ATRNL1: variants seen among roughly 807,000 people sequenced by gnomAD.
The protein encoded by ATRNL1 is attractin like 1, also known as attractin-like protein 1.
In ATRNL1, 95 loss-of-function variants were observed where a neutral mutation model predicts 182.7. That is an observed-to-expected ratio of 0.52 (90% CI 0.44 to 0.62). ATRNL1 has a LOEUF of 0.62. ATRNL1 is among the 20% of genes least tolerant of loss of function. The pLI is 0.00. For missense variants in ATRNL1, 1,471 were observed against 1,679.5 expected (o/e 0.88, Z 2.17); for synonymous variants, 576 against 568.3 (o/e 1.01, Z -0.19).
chr10:115,780,760 A>G (rs1194474674), intron 27 of ATRNL1, among the ~76,000 whole-genome samples: 1 of 152,164 alleles, frequency 6.6e-6, no homozygotes, highest in Admixed American at 6.5e-5. Context: ...GGCAAGATTC[A>G]TCACCTGCTG....
chr10:115,366,494 A>C (rs1554945970), intron 19 of ATRNL1, among the ~76,000 whole-genome samples: 1 of 151,998 alleles, frequency 6.6e-6, no homozygotes, highest in Admixed American at 6.6e-5. Flanking sequence ...TGTGTCTTTT[A>C]ATTGGAGCGT....
intron 28 of ATRNL1, among the ~76,000 whole-genome samples, chr10:115,926,953 G>A (rs1472326925): frequency 5.3e-5 from 8 of 152,004 alleles, no homozygotes; most frequent in African/African-American, 1.9e-4. Context: ...GTCAGACAGA[G>A]ACACAACAAA....
At chr10:115,728,664 TG>T (rs1947692185) in intron 27 of ATRNL1, among the ~76,000 whole-genome samples, 1 of 152,178 alleles carries the variant, frequency 6.6e-6, no homozygotes, top group Admixed American at 6.5e-5. Context: ...AACTCATGGA[TG>T]CTACTCAAAG....
At chr10:115,691,748 A>AATCT (rs1421157957) in intron 26 of ATRNL1, among the ~76,000 whole-genome samples, 2 of 151,954 alleles carry the variant, frequency 1.3e-5, no homozygotes, top group African/African-American at 4.8e-5. Context: ...TCAATCAATC[A>AATCT]ATCTATTCAG....
chr10:115,788,957 A>C (rs1286322483), intron 27 of ATRNL1, among the ~76,000 whole-genome samples: 1 of 152,250 alleles, frequency 6.6e-6, no homozygotes, highest in Non-Finnish European at 1.5e-5. Flanking sequence ...ATAACGTATT[A>C]TGAAATCCAT....
intron 24 of ATRNL1, among the ~76,000 whole-genome samples, chr10:115,482,745 G>T (rs1382735084): frequency 6.6e-6 from 1 of 151,136 alleles, no homozygotes; most frequent in East Asian, 1.9e-4. Context: ...GAAGCTCAGA[G>T]AATTGTAAAG....
intron 2 of ATRNL1, 125 bp from the exon 3 acceptor site, chr10:115,121,574 A>G: frequency 2.5e-6 from 1 of 393,966 alleles, no homozygotes; most frequent in Non-Finnish European, 4.4e-6. Flanking sequence ...ACAGATTTCT[A>G]ATAAAATACC....
chr10:115,441,422 A>T (rs11197212), intron 21 of ATRNL1, among the ~76,000 whole-genome samples: 46,542 of 151,740 alleles, frequency 0.31, 8,268 homozygotes, highest in Middle Eastern at 0.47. Flanking sequence ...AAGGAAACAT[A>T]CCACAGAGTC....
rs147510073 is a variant in ATRNL1 at position 115,143,578 on chromosome 10, C to T, written c.829+14043C>T. ...CTCACAGTTCTGGAGACCAGAAGTC[C>T]AATACCAGGGTGCTATCATGGTGAG... is the stretch of plus-strand genomic sequence containing the variant. On this transcript the variant is annotated intron_variant, in intron 5 of 28. Coordinates refer to ENST00000355044, the MANE Select transcript of ATRNL1 (RefSeq NM_207303.4). Among the ~76,000 whole-genome samples, 25 of 152,234 alleles carry T rather than the reference C, an allele frequency of 1.6e-4. No individual in the cohort carries two copies. The East Asian group carries it at 4.3e-3, about 26-fold the overall frequency.
At chr10:115,507,665 T>C (rs1850181985) in intron 24 of ATRNL1, among the ~76,000 whole-genome samples, 1 of 152,076 alleles carries the variant, frequency 6.6e-6, no homozygotes, top group African/African-American at 2.4e-5. Flanking sequence ...GAGTATTAAG[T>C]CAGTTAATGT....
chr10:115,198,426 A>G (rs1419496267), intron 8 of ATRNL1, among the ~76,000 whole-genome samples: 1 of 152,110 alleles, frequency 6.6e-6, no homozygotes, highest in Non-Finnish European at 1.5e-5. Context: ...TTTAACAGAT[A>G]TATCATTTGC....
intron 21 of ATRNL1, among the ~76,000 whole-genome samples, chr10:115,460,518 C>T (rs1195829031): frequency 1.3e-5 from 2 of 152,140 alleles, no homozygotes; most frequent in African/African-American, 4.8e-5. Flanking sequence ...TATTTGACCA[C>T]TTCCTGTGGC....
At chr10:115,303,125 T>TC (rs1376575768) in intron 17 of ATRNL1, among the ~76,000 whole-genome samples, 5 of 147,552 alleles carry the variant, frequency 3.4e-5, no homozygotes, top group Admixed American at 2.0e-4. Flanking sequence ...TTTATGTCCT[T>TC]TTTTTTTTGA....
chr10:115,122,116 A>G (rs1243727043), intron 3 of ATRNL1, among the ~76,000 whole-genome samples: 1 of 151,928 alleles, frequency 6.6e-6, no homozygotes, highest in Non-Finnish European at 1.5e-5. Flanking sequence ...ATCTGGATAT[A>G]TTAGCGTGAG....
chr10:115,732,459 T>C (rs1947827858), intron 27 of ATRNL1, among the ~76,000 whole-genome samples: 1 of 152,236 alleles, frequency 6.6e-6, no homozygotes, highest in Admixed American at 6.5e-5. Context: ...AGATTGAATT[T>C]CAACTTCCTA....
intron 6 of ATRNL1, among the ~76,000 whole-genome samples, chr10:115,162,940 A>C (rs1846863969): frequency 6.6e-6 from 1 of 151,836 alleles, no homozygotes; most frequent in African/African-American, 2.4e-5. Flanking sequence ...ATTTAGCATG[A>C]GGAAATTGAC....
At chr10:115,703,251 A>C (rs902688855) in intron 26 of ATRNL1, among the ~76,000 whole-genome samples, 11 of 152,048 alleles carry the variant, frequency 7.2e-5, no homozygotes, top group Non-Finnish European at 1.6e-4. Context: ...CCATATACAA[A>C]AATTAATGCA....
At chr10:115,939,426 T>G (rs2134617586) in intron 28 of ATRNL1, among the ~76,000 whole-genome samples, 1 of 152,318 alleles carries the variant, frequency 6.6e-6, no homozygotes, top group Non-Finnish European at 1.5e-5. Context: ...AATCTAAATG[T>G]CATAGTGTCT....
intron 17 of ATRNL1, among the ~76,000 whole-genome samples, chr10:115,310,046 G>C (rs1173019887): frequency 2.0e-5 from 3 of 151,778 alleles, no homozygotes; most frequent in Admixed American, 6.6e-5. Context: ...GTTTGTTGAG[G>C]GTTTTTAATT....
Sources: allele counts gnomAD v4.1 joint callset (sites outside exome capture counted in the v4.1 genomes callset), GRCh38; gene constraint gnomAD v4.1.1; transcripts MANE v1.5; gene names NCBI Gene and HGNC (gene_info 2026-07-23, HGNC 2026-07-21).